The following WWOX variants were observed in gnomAD, a reference collection of about 807,000 sequenced individuals.
WWOX encodes the protein WW domain containing oxidoreductase, also known as WW domain-containing oxidoreductase.
WWOX carries 69 observed loss-of-function variants against 46.2 expected under a neutral mutation model. The ratio of observed to expected loss-of-function variants is 1.49; its 90% CI spans 1.23 to 1.82. WWOX has a LOEUF of 1.82. Ranked by LOEUF, WWOX falls within the 40% of genes most tolerant of loss-of-function variation. WWOX has a pLI of 0.00. For synonymous variants in WWOX, 359 were observed against 202.6 expected (o/e 1.77, Z -6.56); for missense variants, 919 against 542.6 (o/e 1.69, Z -6.89).
At chr16:78,555,761 A>G (rs1269323572) in intron 8 of WWOX, among the ~76,000 whole-genome samples, 2 of 152,086 alleles carry the variant, frequency 1.3e-5, no homozygotes, top group Non-Finnish European at 2.9e-5. Context: ...CAAGGAGTGC[A>G]AAAGAAGCCT....
chr16:78,601,151 C>T (rs1234514400), intron 8 of WWOX, among the ~76,000 whole-genome samples: 1 of 152,166 alleles, frequency 6.6e-6, no homozygotes, highest in Non-Finnish European at 1.5e-5. Flanking sequence ...GAGAGGCAAA[C>T]CCAGGTTGGC....
At chr16:79,038,756 G>T (rs759454990) in intron 8 of WWOX, among the ~76,000 whole-genome samples, 26 of 152,062 alleles carry the variant, frequency 1.7e-4, no homozygotes, top group Non-Finnish European at 3.4e-4. Flanking sequence ...CACCATATTG[G>T]CCAGACTGCT....
intron 5 of WWOX, among the ~76,000 whole-genome samples, chr16:78,300,453 AGG>A (rs1196218188): frequency 2.0e-5 from 3 of 151,942 alleles, no homozygotes; most frequent in African/African-American, 7.3e-5. Context: ...CTCTAATCTC[AGG>A]AGTGAGTGAT....
intron 8 of WWOX, among the ~76,000 whole-genome samples, chr16:78,726,566 T>C (rs749641422): frequency 6.7e-6 from 1 of 149,546 alleles, no homozygotes; most frequent in Non-Finnish European, 1.5e-5. Flanking sequence ...GTGCTTTTTG[T>C]TCCCCCATGG....
At chr16:78,574,658 G>A (rs964912074) in intron 8 of WWOX, among the ~76,000 whole-genome samples, 7 of 151,720 alleles carry the variant, frequency 4.6e-5, no homozygotes, top group African/African-American at 1.7e-4. Context: ...ATGCATTTCT[G>A]AACCTGAAGG....
At chr16:78,480,032 C>T (rs921182483) in intron 8 of WWOX, among the ~76,000 whole-genome samples, 1 of 152,152 alleles carries the variant, frequency 6.6e-6, no homozygotes, top group Non-Finnish European at 1.5e-5. Flanking sequence ...CATACCTTCT[C>T]GAAGGCAACT....
intron 6 of WWOX, among the ~76,000 whole-genome samples, chr16:78,408,892 G>A (rs571038106): frequency 6.6e-6 from 1 of 152,004 alleles, no homozygotes; most frequent in African/African-American, 2.4e-5. Flanking sequence ...GTAAGCCCTG[G>A]GTATAAGTGT....
chr16:78,817,049 C>A (rs1414706899), intron 8 of WWOX, among the ~76,000 whole-genome samples: 1 of 151,912 alleles, frequency 6.6e-6, no homozygotes, highest in African/African-American at 2.4e-5. Flanking sequence ...GTCTGAAGTA[C>A]GTTTGTGGAA....
At chr16:78,507,994 GT>G (rs2085258231) in intron 8 of WWOX, among the ~76,000 whole-genome samples, 1 of 6,776 alleles carries the variant, frequency 1.5e-4, no homozygotes, top group African/African-American at 2.2e-4. Flanking sequence ...TTTTGGTTGC[GT>G]GCGTGTGTGT....
At chr16:78,640,226 GTTTTTTTTTTTTTTT>G (rs34129775) in intron 8 of WWOX, among the ~76,000 whole-genome samples, 14 of 65,346 alleles carry the variant, frequency 2.1e-4, no homozygotes, top group Admixed American at 1.8e-3. Context: ...TTGTTGTTGG[GTTTTTTTTTTTTTTT>G]TTTTTTTTTT....
At chr16:78,354,336 T>G (rs4545825) in intron 5 of WWOX, among the ~76,000 whole-genome samples, 3 of 136,804 alleles carry the variant, frequency 2.2e-5, no homozygotes, top group South Asian at 2.3e-4. Flanking sequence ...TGGTCAGGTG[T>G]GTAGGTATGT....
At chr16:79,117,723 C>T (rs571420532) in intron 8 of WWOX, among the ~76,000 whole-genome samples, 1 of 152,256 alleles carries the variant, frequency 6.6e-6, no homozygotes, top group Non-Finnish European at 1.5e-5. Flanking sequence ...TGCATCAGCA[C>T]TTGCTGCTTC....
At chr16:78,271,503 C>T (rs2079477732) in intron 5 of WWOX, among the ~76,000 whole-genome samples, 1 of 152,224 alleles carries the variant, frequency 6.6e-6, no homozygotes, top group African/African-American at 2.4e-5. Flanking sequence ...ACGAGAGCTT[C>T]ACAGCTCAGA....
chr16:78,108,752 C>T (rs866292733), intron 2 of WWOX, among the ~76,000 whole-genome samples: 2 of 152,310 alleles, frequency 1.3e-5, no homozygotes, highest in Admixed American at 6.5e-5. Flanking sequence ...CTTCGGGAGG[C>T]CGAGGCGGAT....
At chr16:79,048,815 G>A (rs574909665) in intron 8 of WWOX, among the ~76,000 whole-genome samples, 6 of 152,258 alleles carry the variant, frequency 3.9e-5, no homozygotes, top group African/African-American at 1.4e-4. Context: ...GCCACACAGT[G>A]GTCACCAGCA....
intron 8 of WWOX, among the ~76,000 whole-genome samples, chr16:79,156,305 T>G (rs140341069): frequency 1.3e-5 from 2 of 152,142 alleles, no homozygotes; most frequent in Non-Finnish European, 2.9e-5. Flanking sequence ...AAGACCCAGG[T>G]GCGCACCAAC....
chr16:78,296,225 G>T (rs989336369), intron 5 of WWOX, among the ~76,000 whole-genome samples: 2 of 151,620 alleles, frequency 1.3e-5, no homozygotes, highest in African/African-American at 4.9e-5. Context: ...TGTATTGTTT[G>T]GTGCTTTCTA....
intron 8 of WWOX, among the ~76,000 whole-genome samples, chr16:78,612,808 CTACAATATT>C (rs1402593569): frequency 6.6e-6 from 1 of 152,138 alleles, no homozygotes; most frequent in Non-Finnish European, 1.5e-5. Flanking sequence ...AAAATGAAGG[CTACAATATT>C]TACTTTGCAG....
intron 8 of WWOX, among the ~76,000 whole-genome samples, chr16:78,529,381 G>A (rs531060116): frequency 2.0e-5 from 3 of 152,014 alleles, no homozygotes; most frequent in Non-Finnish European, 4.4e-5. Flanking sequence ...GGGGTTCTTG[G>A]GTATGTTTTG....
Sources: allele counts gnomAD v4.1 joint callset (sites outside exome capture counted in the v4.1 genomes callset), GRCh38; gene constraint gnomAD v4.1.1; transcripts MANE v1.5; gene names NCBI Gene and HGNC (gene_info 2026-07-23, HGNC 2026-07-21).